Variants in TET3 observed in about 807,000 individuals in gnomAD.
TET3 encodes methylcytosine dioxygenase TET3.
TET3 carries 19 observed loss-of-function variants against 141.4 expected under a neutral mutation model. That is an observed-to-expected ratio of 0.13 (90% CI 0.09 to 0.20). The LOEUF (loss-of-function observed/expected upper bound fraction) is 0.20, where lower values mean the gene tolerates loss of function less well. Ranked by LOEUF, TET3 falls within the 10% of genes least tolerant of loss-of-function variation. The pLI, the probability that TET3 is intolerant of heterozygous loss-of-function variation, is 1.00. For synonymous variants in TET3, 1,043 were observed against 980.9 expected (o/e 1.06, Z -1.18); for missense variants, 1,874 against 2,356.9 (o/e 0.80, Z 4.24).
intron 4 of TET3, 44 bp from the exon 5 acceptor site, chr2:74,073,505 A>G: frequency 6.9e-7 from 1 of 1,450,066 alleles, no homozygotes; most frequent in Non-Finnish European, 9.4e-7. Context: ...ATTAATATTG[A>G]CTAATTGATA....
At chr2:73,995,394 G>C (rs1368586677) in intron 2 of TET3, among the ~76,000 whole-genome samples, 3 of 152,192 alleles carry the variant, frequency 2.0e-5, no homozygotes, top group Non-Finnish European at 4.4e-5. Context: ...TCTGTGAACT[G>C]TTTTGAAAAT....
chr2:73,991,115 G>GT (rs1463535578), intron 2 of TET3, among the ~76,000 whole-genome samples: 18 of 151,620 alleles, frequency 1.2e-4, no homozygotes, highest in Admixed American at 1.1e-3. Context: ...GGCCCTTGGT[G>GT]TTTTTTTAAA....
At chr2:74,020,655 C>A (rs909644646) in intron 3 of TET3, among the ~76,000 whole-genome samples, 1 of 152,200 alleles carries the variant, frequency 6.6e-6, no homozygotes, top group African/African-American at 2.4e-5. Context: ...TGATGTCTAC[C>A]TGCCTTGGAG....
chr2:74,061,494 G>T (rs533911031), intron 4 of TET3, among the ~76,000 whole-genome samples: 3 of 148,236 alleles, frequency 2.0e-5, no homozygotes, highest in Admixed American at 2.0e-4. Flanking sequence ...CTTCCCGGAC[G>T]GGGCGGCTGG....
In TET3 at chr2:74,076,608, C is replaced by CT. The variant is rs565794507; in HGVS notation, c.2585+2982dup. 6.4e-3 allele frequency among the ~76,000 whole-genome samples: 902 copies of CT among 141,796 alleles called. 1 individual carries two copies. The highest frequency in any genetic ancestry group is 8.8e-3 in the Admixed American group (124 of 14,122). 93.0% of individuals were successfully genotyped at this position (141,796 alleles called of 152,430 possible). On this transcript the variant is annotated intron_variant, in intron 5 of 11. Transcript: ENST00000409262. Reference sequence around the variant, plus strand: ...GATTGTATTTTGTGTACCAGCATACCTTTTTTTTTTTTTGCCCTTTACTCT... The same window carrying CT: ...GATTGTATTTTGTGTACCAGCATACCTTTTTTTTTTTTTTGCCCTTTACTCT...
chr2:74,072,625 T>C (rs999743525), intron 4 of TET3, among the ~76,000 whole-genome samples: 7 of 152,244 alleles, frequency 4.6e-5, no homozygotes, highest in Non-Finnish European at 1.0e-4. Flanking sequence ...ATTTTAATCA[T>C]GTTTATGTGT....
rs1321714157 is a variant in TET3 at position 74,060,309 on chromosome 2, GGTTCAAGTCATTCAAGTTGCT to G, written c.2494+11906_2494+11926del. Among the ~76,000 whole-genome samples, 3 of 152,082 alleles carry G rather than the reference GGTTCAAGTCATTCAAGTTGCT, an allele frequency of 2.0e-5. No individual in the cohort carries two copies. The East Asian group carries it at 5.8e-4, about 29-fold the overall frequency. On this transcript the variant is annotated intron_variant, in intron 4 of 11. Coordinates refer to ENST00000409262, the MANE Select transcript of TET3 (RefSeq NM_001287491.2). ...TTCAAGTCATTTCTGTTCAAGTTCC[GGTTCAAGTCATTCAAGTTGCT>G]GTTCAAGCCCATTTCTGTATTGTTT...
chr2:74,001,288 T>C (rs1684837032), intron 2 of TET3, among the ~76,000 whole-genome samples: 1 of 152,016 alleles, frequency 6.6e-6, no homozygotes, highest in Admixed American at 6.5e-5. Context: ...TAGGCATCTG[T>C]GGTGTAGTGG....
At chr2:74,117,556 A>C in the TET3 span, among the ~76,000 whole-genome samples, 34 of 152,240 alleles carry the variant, frequency 2.2e-4, no homozygotes, top group African/African-American at 8.2e-4. Context: ...ATCCTAAAAA[A>C]TGTCAAATTT....
rs1256789792 is a variant in TET3 at position 74,099,880 on chromosome 2, GGCTCCCCTCTGAGCTCTAGTTT to G, written c.3604+282_3604+303del. On this transcript the variant is annotated intron_variant, in intron 11 of 11. Coordinates refer to ENST00000409262, the MANE Select transcript of TET3 (RefSeq NM_001287491.2). ...AGTTTGCATCCCTCAGAGAATCAGA[GGCTCCCCTCTGAGCTCTAGTTT>G]GCTCCCCTCTGAGATACTGAGGTGA... is the stretch of plus-strand genomic sequence containing the variant. Among the ~76,000 whole-genome samples, 5 of 152,300 alleles carry G rather than the reference GGCTCCCCTCTGAGCTCTAGTTT, an allele frequency of 3.3e-5. No homozygotes were observed. In the South Asian group the frequency reaches 8.3e-4, roughly 25 times the overall value.
chr2:74,007,503 T>C (rs966590389), intron 3 of TET3, among the ~76,000 whole-genome samples: 2 of 152,200 alleles, frequency 1.3e-5, no homozygotes, highest in African/African-American at 4.8e-5. Flanking sequence ...GGAAATACTG[T>C]GCCTGAGCAA....
rs1691269051 is a variant in TET3, at chr2:74,102,264, G to A, written c.*88G>A. 1 of 1,360,156 alleles carries A rather than the reference G, an allele frequency of 7.4e-7. No individual in the cohort carries two copies. Among genetic ancestry groups the A allele is most frequent in the Non-Finnish European group, 9.5e-7 (1 of 1,057,026 alleles). The allele number at this position is 1,360,156 out of a possible 1,614,324, so 84.3% of individuals were successfully genotyped here. On this transcript the variant is annotated 3_prime_UTR_variant, in exon 12 of 12. Coordinates refer to ENST00000409262, the MANE Select transcript of TET3 (RefSeq NM_001287491.2). ...GCCCTCATACCTGGGGGCGGGTTGG[G>A]GGTGCAGAAGTCTTTTTATCTCTAT...
intron 3 of TET3, among the ~76,000 whole-genome samples, chr2:74,011,884 A>G (rs1685454167): frequency 6.7e-6 from 1 of 149,094 alleles, no homozygotes; most frequent in African/African-American, 2.4e-5. Flanking sequence ...ACCAAAAGGA[A>G]AAAAAAAAAA....
Position 74,100,388 on chromosome 2 carries a change from C to G in TET3, c.3605-5C>G, listed in dbSNP as rs1227412383. 5 of 1,556,786 alleles carry G rather than the reference C, an allele frequency of 3.2e-6. No individual in the cohort carries two copies. The highest frequency in any genetic ancestry group is 4.3e-6 in the Non-Finnish European group (5 of 1,149,842). Reference sequence around the variant, plus strand: ...CCTCTGCCATCTTGCCTTCTGTTTCCCCAGGCCTGTCTCTGAAGGGTGGAT... The same window carrying G: ...CCTCTGCCATCTTGCCTTCTGTTTCGCCAGGCCTGTCTCTGAAGGGTGGAT... On this transcript the variant is annotated splice_polypyrimidine_tract_variant and splice_region_variant and intron_variant, in intron 11 of 11. Transcript: ENST00000409262.
chr2:73,997,480 G>C (rs1263191659), intron 2 of TET3, among the ~76,000 whole-genome samples: 1 of 152,182 alleles, frequency 6.6e-6, no homozygotes, highest in Non-Finnish European at 1.5e-5. Context: ...TGTTCATGCT[G>C]CAGGATGGGG....
At position 74,047,502 on chromosome 2, in the gene TET3, C is replaced by G; in HGVS notation, c.1585C>G (p.Gln529Glu). The G allele has an allele frequency of 6.2e-7, 1 of 1,613,030 alleles. No individual in the cohort carries two copies. Among genetic ancestry groups the G allele is most frequent in the Non-Finnish European group, 8.5e-7 (1 of 1,179,858 alleles). ...DTHQKAQTAL[Q>E]QHLHHKRSLF... is the part of the protein sequence containing the mutation. ...CCACCAGAAGGCCCAGACCGCCCTGCAGCAGCACCTCCACCACAAGCGCAG... is the reference window on the plus strand; with the variant it reads ...CCACCAGAAGGCCCAGACCGCCCTGGAGCAGCACCTCCACCACAAGCGCAG... Residue 529 changes from glutamine (Q) to glutamate (E), a missense_variant, in exon 4 of 12, where the codon CAG becomes GAG. This residue lies in a region of TET3 where 484 missense variants were observed against 462.2 expected (regional missense o/e 1.05). Transcript: ENST00000409262.
At chr2:74,003,305 G>A (rs1277349268) in intron 3 of TET3, 139 bp downstream of exon 3, 1 of 1,073,160 alleles carries the variant, frequency 9.3e-7, no homozygotes, top group East Asian at 2.8e-5. Flanking sequence ...CTGAGGGGGA[G>A]GGGCGGCGGG....
chr2:74,111,409 C>T (rs1295469884), downstream of TET3, among the ~76,000 whole-genome samples: 1 of 152,194 alleles, frequency 6.6e-6, no homozygotes, highest in African/African-American at 2.4e-5. Context: ...ACCAAATTTC[C>T]TATTCTCCCA....
rs985815035 is a variant in TET3 at position 74,099,708 on chromosome 2, T to C, written c.3604+96T>C. 1.2e-5 allele frequency: 15 copies of C among 1,256,496 alleles called. No individual in the cohort carries two copies. The South Asian group carries it at 2.2e-4, about 18-fold the overall frequency. 77.8% of individuals were successfully genotyped at this position (1,256,496 alleles called of 1,614,324 possible). On this transcript the variant is annotated intron_variant, in intron 11 of 11. Transcript: ENST00000409262. ...GCACCCTCCTGCATCACACTGGAAC[T>C]GGGGCCTCTGCTTAATTGTCAGTCA... is the stretch of plus-strand genomic sequence containing the variant.
Sources: gnomAD v4.1 joint callset for allele counts (sites outside exome capture counted in the v4.1 genomes callset) on GRCh38, gnomAD v4.1.1 for gene constraint, gnomAD v4.1.1 regional missense constraint, MANE v1.5 for transcripts, NCBI Gene and HGNC (gene_info 2026-07-23, HGNC 2026-07-21) for gene names.